Variants in CAPZB observed in about 807,000 individuals in gnomAD.
CAPZB encodes F-actin-capping protein subunit beta.
A neutral mutation model predicts 38.1 loss-of-function variants in CAPZB; 2 were observed. That is an observed-to-expected ratio of 0.05 (90% CI 0.02 to 0.17). The LOEUF (loss-of-function observed/expected upper bound fraction) is 0.17. Among genes scored for constraint, CAPZB ranks in the 10% least tolerant of loss-of-function variants. CAPZB has a pLI of 1.00. For synonymous variants in CAPZB, 107 were observed against 127.4 expected (o/e 0.84, Z 1.08); for missense variants, 161 against 334.2 (o/e 0.48, Z 4.04).
At chr1:19,342,368 C>T (rs544239743) in intron 8 of CAPZB, among the ~76,000 whole-genome samples, 1 of 152,364 alleles carries the variant, frequency 6.6e-6, no homozygotes, top group African/African-American at 2.4e-5. Flanking sequence ...GCACCAGCAT[C>T]AGAGGCTCCT....
chr1:19,346,142 G>A (rs951634671), intron 6 of CAPZB, among the ~76,000 whole-genome samples: 2 of 152,140 alleles, frequency 1.3e-5, no homozygotes, highest in East Asian at 1.9e-4. Context: ...ATAACGCACA[G>A]GGTACCTGGA....
At chr1:19,349,147 G>C (rs2093978224) in intron 6 of CAPZB, among the ~76,000 whole-genome samples, 1 of 152,188 alleles carries the variant, frequency 6.6e-6, no homozygotes, top group Non-Finnish European at 1.5e-5. Context: ...AGACGACGGG[G>C]TGGGCTGTCT....
At chr1:19,347,482 C>A (rs1395558952) in intron 6 of CAPZB, among the ~76,000 whole-genome samples, 1 of 152,176 alleles carries the variant, frequency 6.6e-6, no homozygotes, top group Admixed American at 6.5e-5. Flanking sequence ...CACATTTCCA[C>A]AGCCCCCCAC....
At chr1:19,450,294 T>C (rs186336329) in intron 1 of CAPZB, among the ~76,000 whole-genome samples, 1 of 152,266 alleles carries the variant, frequency 6.6e-6, no homozygotes, top group Admixed American at 6.5e-5. Flanking sequence ...ATTTTGAATT[T>C]TTTCCAATTT....
intron 3 of CAPZB, among the ~76,000 whole-genome samples, chr1:19,380,534 C>T (rs1382771358): frequency 3.3e-5 from 5 of 152,232 alleles, no homozygotes; most frequent in South Asian, 2.1e-4. Context: ...AAGCCAAGCG[C>T]GGGCTGACCT....
intron 4 of CAPZB, among the ~76,000 whole-genome samples, chr1:19,369,781 C>T (rs554406426): frequency 6.6e-6 from 1 of 152,348 alleles, no homozygotes; most frequent in African/African-American, 2.4e-5. Context: ...CCAACCAAAC[C>T]GTCCCTGCAG....
At chr1:19,472,465 G>A (rs2100783677) in intron 1 of CAPZB, among the ~76,000 whole-genome samples, 1 of 152,276 alleles carries the variant, frequency 6.6e-6, no homozygotes, top group African/African-American at 2.4e-5. Context: ...GGAACCAGCT[G>A]GTCCTGAGTG....
intron 2 of CAPZB, among the ~76,000 whole-genome samples, chr1:19,415,953 G>T (rs955977033): frequency 6.6e-6 from 1 of 152,196 alleles, no homozygotes; most frequent in African/African-American, 2.4e-5. Flanking sequence ...AAATTAATGA[G>T]AACACCGTTT....
chr1:19,452,535 G>A (rs1411248336), intron 1 of CAPZB, among the ~76,000 whole-genome samples: 2 of 152,204 alleles, frequency 1.3e-5, no homozygotes, highest in Non-Finnish European at 2.9e-5. Flanking sequence ...TGCCAAGGCA[G>A]GCCTTCCACT....
At chr1:19,394,249 G>A (rs879850866) in intron 2 of CAPZB, among the ~76,000 whole-genome samples, 19 of 152,154 alleles carry the variant, frequency 1.2e-4, no homozygotes, top group Non-Finnish European at 2.5e-4. Flanking sequence ...CCCTCTCAAA[G>A]TGCTGGGATT....
chr1:19,447,729 G>A (rs1409106773), intron 1 of CAPZB, among the ~76,000 whole-genome samples: 1 of 152,190 alleles, frequency 6.6e-6, no homozygotes, highest in African/African-American at 2.4e-5. Flanking sequence ...GCTGGTGGAG[G>A]AGGGCACGGC....
chr1:19,447,621 G>A (rs2094501050), intron 1 of CAPZB, among the ~76,000 whole-genome samples: 1 of 152,254 alleles, frequency 6.6e-6, no homozygotes, highest in East Asian at 1.9e-4. Flanking sequence ...AGAGTGTTGT[G>A]TGCATGCAGC....
At chr1:19,437,501 C>T (rs2094461910) in intron 1 of CAPZB, among the ~76,000 whole-genome samples, 1 of 152,298 alleles carries the variant, frequency 6.6e-6, no homozygotes, top group Non-Finnish European at 1.5e-5. Flanking sequence ...CAATTGCTTC[C>T]TGTCTTCAGG....
At chr1:19,377,885 G>A (rs1056618279) in intron 4 of CAPZB, among the ~76,000 whole-genome samples, 3 of 152,186 alleles carry the variant, frequency 2.0e-5, no homozygotes, top group Non-Finnish European at 4.4e-5. Context: ...TAAGGAAGGT[G>A]CCGAGGCCAC....
intron 1 of CAPZB, among the ~76,000 whole-genome samples, chr1:19,474,349 T>A (rs1393851763): frequency 6.6e-6 from 1 of 152,150 alleles, no homozygotes; most frequent in African/African-American, 2.4e-5. Flanking sequence ...AGGACAATAG[T>A]ATTTCCATTT....
At chr1:19,397,692 A>T (rs2094279523) in intron 2 of CAPZB, among the ~76,000 whole-genome samples, 1 of 152,252 alleles carries the variant, frequency 6.6e-6, no homozygotes, top group African/African-American at 2.4e-5. Context: ...CATCCATTTC[A>T]TCATCACTGG....
intron 1 of CAPZB, among the ~76,000 whole-genome samples, chr1:19,440,333 G>A (rs185308594): frequency 3.3e-5 from 5 of 152,120 alleles, no homozygotes; most frequent in South Asian, 2.1e-4. Flanking sequence ...CCATGCACCC[G>A]GCCCATAAAA....
rs560131982 is a variant in CAPZB, at chr1:19,440,779, G to A, written c.4-21029C>T. Among the ~76,000 whole-genome samples the A allele has an allele frequency of 3.3e-5, 5 of 152,334 alleles. No individual in the cohort carries two copies. The South Asian group carries it at 1.0e-3, about 32-fold the overall frequency. On this transcript the variant is annotated intron_variant, in intron 1 of 8. Coordinates refer to ENST00000264202, the MANE Select transcript of CAPZB (RefSeq NM_004930.5). Reference sequence around the variant, plus strand: ...TGTTTTAAAAAAGTTATAGCTGCTAGGCCGGGCGCGGTGGCTCACGCCTGT... The same window carrying A: ...TGTTTTAAAAAAGTTATAGCTGCTAAGCCGGGCGCGGTGGCTCACGCCTGT...
intron 2 of CAPZB, among the ~76,000 whole-genome samples, chr1:19,403,874 G>A (rs889774837): frequency 6.6e-6 from 1 of 152,182 alleles, no homozygotes; most frequent in African/African-American, 2.4e-5. Flanking sequence ...GCTGCACCCA[G>A]TGCCCCTTCT....
Sources: gnomAD v4.1 joint callset for allele counts (sites outside exome capture counted in the v4.1 genomes callset) on GRCh38, gnomAD v4.1.1 for gene constraint, MANE v1.5 for transcripts, NCBI Gene and HGNC (gene_info 2026-07-23, HGNC 2026-07-21) for gene names.